Variants in BAZ1A observed in about 807,000 individuals in gnomAD.
BAZ1A encodes the protein bromodomain adjacent to zinc finger domain 1A.
Under a neutral mutation model 185.2 loss-of-function variants are expected in BAZ1A, and 50 were observed. The observed-to-expected ratio is 0.27, with a 90% CI of 0.22 to 0.34. The LOEUF (loss-of-function observed/expected upper bound fraction) is 0.34. Ranked by LOEUF, BAZ1A falls within the 10% of genes least tolerant of loss-of-function variation. The pLI, the probability that BAZ1A is intolerant of heterozygous loss-of-function variation, is 1.00. For synonymous variants in BAZ1A, 571 were observed against 615.6 expected (o/e 0.93, Z 1.07); for missense variants, 1,356 against 1,839.9 (o/e 0.74, Z 4.81).
At chr14:34,801,302 AT>A in intron 7 of BAZ1A, 109 bp from the exon 8 acceptor site, 6 of 799,210 alleles carry the variant, frequency 7.5e-6, no homozygotes, top group Non-Finnish European at 9.8e-6. Context: ...TGATTTTTTT[AT>A]TTTTTTGAGA....
chr14:34,839,672 T>C (rs2042383149), intron 3 of BAZ1A, among the ~76,000 whole-genome samples: 1 of 150,850 alleles, frequency 6.6e-6, no homozygotes, highest in South Asian at 2.1e-4. Context: ...AGAAACCCCG[T>C]CTCTACTAAA....
rs1410822824 is a variant in BAZ1A at position 34,783,708 on chromosome 14, A to T, written c.1997+54T>A. The T allele has an allele frequency of 5.7e-6, 9 of 1,566,478 alleles. No homozygotes were observed. The African/African-American group carries it at 1.2e-4, about 21-fold the overall frequency. Reference sequence around the variant, plus strand: ...TAGCACCATGTGAAATATGGTTTTAAATGCAAAGAAATAAACAGCTTTCAT... The same window carrying T: ...TAGCACCATGTGAAATATGGTTTTATATGCAAAGAAATAAACAGCTTTCAT... On this transcript the variant is annotated intron_variant, in intron 15 of 26. Transcript: ENST00000360310.
At chr14:34,869,868 T>C (rs1566607193) in intron 2 of BAZ1A, among the ~76,000 whole-genome samples, 1 of 152,162 alleles carries the variant, frequency 6.6e-6, no homozygotes, top group East Asian at 1.9e-4. Flanking sequence ...ATTCTCACCC[T>C]CTTGAAACTC....
At chr14:34,791,613 C>A (rs192730328) in intron 12 of BAZ1A, among the ~76,000 whole-genome samples, 1 of 152,286 alleles carries the variant, frequency 6.6e-6, no homozygotes, top group African/African-American at 2.4e-5. Context: ...CCTGAATTAT[C>A]TAAGGTCAAC....
intron 14 of BAZ1A, among the ~76,000 whole-genome samples, chr14:34,785,554 C>A (rs1005379004): frequency 2.0e-5 from 3 of 152,164 alleles, no homozygotes; most frequent in Admixed American, 1.3e-4. Flanking sequence ...CCCTTTTAAA[C>A]TCAGTAGATG....
chr14:34,867,039 C>T (rs77792737), intron 2 of BAZ1A, among the ~76,000 whole-genome samples: 2,596 of 151,688 alleles, frequency 0.017, 64 homozygotes, highest in African/African-American at 0.056. Flanking sequence ...GCAGGCAGAT[C>T]GCGAGGTCAG....
intron 7 of BAZ1A, 80 bp downstream of exon 7, chr14:34,802,774 G>A (rs895201446): frequency 2.7e-5 from 39 of 1,435,592 alleles, no homozygotes; most frequent in Non-Finnish European, 3.7e-5. Flanking sequence ...ATGGATGTGA[G>A]GGGAGACAAA....
At chr14:34,755,796 T>C (rs1203859161) in intron 25 of BAZ1A, among the ~76,000 whole-genome samples, 2 of 151,792 alleles carry the variant, frequency 1.3e-5, no homozygotes, top group African/African-American at 4.8e-5. Flanking sequence ...GCCATCACTG[T>C]TACCTAATAC....
intron 2 of BAZ1A, among the ~76,000 whole-genome samples, chr14:34,862,984 CTCTCTT>C (rs1278986710): frequency 1.6e-5 from 2 of 122,026 alleles, no homozygotes; most frequent in African/African-American, 2.8e-5. Context: ...TCTATCCACT[CTCTCTT>C]TTTTTTTTTT....
At chr14:34,754,157 C>G (rs2138515475) in intron 26 of BAZ1A, among the ~76,000 whole-genome samples, 1 of 149,838 alleles carries the variant, frequency 6.7e-6, no homozygotes. Flanking sequence ...GAGGCTGAGG[C>G]AGGAGAATCA....
intron 20 of BAZ1A, among the ~76,000 whole-genome samples, chr14:34,771,895 T>C (rs1353401188): frequency 1.3e-5 from 2 of 152,136 alleles, no homozygotes; most frequent in Admixed American, 6.6e-5. Context: ...AGAGGTGACA[T>C]TGTGATGGGC....
At chr14:34,810,814 AT>A in intron 5 of BAZ1A, 120 bp downstream of exon 5, 1 of 728,278 alleles carries the variant, frequency 1.4e-6, no homozygotes, top group Middle Eastern at 2.6e-4. Context: ...ATAAATGTAC[AT>A]TTATTTTTAA....
intron 3 of BAZ1A, among the ~76,000 whole-genome samples, chr14:34,842,745 G>A (rs1376870739): frequency 6.6e-6 from 1 of 152,052 alleles, no homozygotes; most frequent in Non-Finnish European, 1.5e-5. Context: ...CACAGAACAG[G>A]GCTCTGGTTC....
chr14:34,840,796 C>G (rs961656271), intron 3 of BAZ1A, among the ~76,000 whole-genome samples: 1 of 132,658 alleles, frequency 7.5e-6, no homozygotes, highest in Non-Finnish European at 1.7e-5. Flanking sequence ...AACAAACAAA[C>G]AAAAAACTTA....
intron 3 of BAZ1A, among the ~76,000 whole-genome samples, chr14:34,854,163 A>C (rs569210630): frequency 2.0e-5 from 3 of 152,224 alleles, no homozygotes; most frequent in Non-Finnish European, 4.4e-5. Flanking sequence ...GCGGTGGCTC[A>C]CATCTGTAAT....
chr14:34,758,884 G>A (rs61981202), intron 24 of BAZ1A, 38 bp from the exon 25 acceptor site: 377,564 of 1,600,674 alleles, frequency 0.24, 46,818 homozygotes, highest in Non-Finnish European at 0.25. Flanking sequence ...TGATAACAAA[G>A]CAAAATATTG....
rs1289401041 is a variant in BAZ1A, at chr14:34,811,116, ATATAC to A, written c.537-85_537-81del. 5.1e-6 allele frequency: 5 copies of A among 976,340 alleles called. No homozygotes were observed. The African/African-American group carries it at 8.4e-5, about 16-fold the overall frequency. 60.5% of individuals were successfully genotyped at this position (976,340 alleles called of 1,614,324 possible). A position where few individuals can be genotyped will look rare whatever the true frequency, so the allele number is the denominator to read the frequency against. ...TTAAATGAAAACCTAGTTTCTAAGAATATACTATAATAAAATCACATATTTCAAAA... is the reference window on the plus strand; with the variant it reads ...TTAAATGAAAACCTAGTTTCTAAGAATATAATAAAATCACATATTTCAAAA... On this transcript the variant is annotated intron_variant, in intron 4 of 26. Transcript: ENST00000360310.
At chr14:34,756,397 G>A (rs1328935963) in intron 25 of BAZ1A, among the ~76,000 whole-genome samples, 1 of 143,086 alleles carries the variant, frequency 7.0e-6, no homozygotes, top group African/African-American at 2.5e-5. Context: ...TCACAGGCAT[G>A]AGCCACTGTG....
At chr14:34,760,611 G>A (rs1292380605) in intron 24 of BAZ1A, among the ~76,000 whole-genome samples, 2 of 151,790 alleles carry the variant, frequency 1.3e-5, no homozygotes, top group Non-Finnish European at 2.9e-5. Context: ...ACATTTGGGA[G>A]GCCAAGGCAA....
Sources: gnomAD v4.1 joint callset for allele counts (sites outside exome capture counted in the v4.1 genomes callset) on GRCh38, gnomAD v4.1.1 for gene constraint, MANE v1.5 for transcripts, NCBI Gene and HGNC (gene_info 2026-07-23, HGNC 2026-07-21) for gene names.